The following CCDC7 variants were observed in gnomAD, a reference collection of about 807,000 sequenced individuals.
The protein encoded by CCDC7 is coiled-coil domain-containing protein 7.
A neutral mutation model predicts 196.9 loss-of-function variants in CCDC7; 183 were observed. That is an observed-to-expected ratio of 0.93 (90% confidence interval 0.82 to 1.05). The LOEUF (loss-of-function observed/expected upper bound fraction) is 1.05, where lower values mean the gene tolerates loss of function less well. Among genes scored for constraint, CCDC7 ranks in the 50% least tolerant of loss-of-function variants. The probability of loss-of-function intolerance (pLI) is 0.00; values close to 1 mark genes in which losing one functional copy is unlikely to be tolerated. For missense variants in CCDC7, 1,540 were observed against 1,482.2 expected (o/e 1.04, Z -0.64); for synonymous variants, 525 against 484.6 (o/e 1.08, Z -1.10).
chr10:32,814,911 G>C (rs528078571), intron 31 of CCDC7, among the ~76,000 whole-genome samples: 46 of 152,246 alleles, frequency 3.0e-4, no homozygotes, highest in African/African-American at 1.1e-3. Context: ...TTCAAAGAGT[G>C]CCCTGCTAAA....
chr10:32,599,852 C>T (rs2060812368), intron 18 of CCDC7, among the ~76,000 whole-genome samples: 1 of 152,136 alleles, frequency 6.6e-6, no homozygotes, highest in Non-Finnish European at 1.5e-5. Context: ...GATAGAGTTT[C>T]ATTCTTCTAC....
chr10:32,696,452 A>T (rs80307518), intron 24 of CCDC7, among the ~76,000 whole-genome samples: 3 of 151,766 alleles, frequency 2.0e-5, no homozygotes, highest in Admixed American at 6.6e-5. Context: ...GGACATAGGG[A>T]CATTGGCCAT....
At chr10:32,579,612 C>G (rs2058555460) in intron 16 of CCDC7, among the ~76,000 whole-genome samples, 1 of 151,992 alleles carries the variant, frequency 6.6e-6, no homozygotes, top group South Asian at 2.1e-4. Flanking sequence ...ATTACGATGA[C>G]CATGATTTAT....
intron 20 of CCDC7, among the ~76,000 whole-genome samples, chr10:32,636,787 C>A (rs1309096443): frequency 5.9e-5 from 9 of 152,166 alleles, no homozygotes; most frequent in Admixed American, 1.3e-4. Flanking sequence ...AGTTCCAGAT[C>A]CCTGAAGAAT....
chr10:32,450,872 A>G (rs918730481), upstream of CCDC7, among the ~76,000 whole-genome samples: 4 of 152,202 alleles, frequency 2.6e-5, no homozygotes, highest in African/African-American at 9.6e-5. Context: ...CAGTCCGTAT[A>G]TTCCCATTCT....
At chr10:32,447,585 T>G (rs2133246886), upstream of CCDC7, among the ~76,000 whole-genome samples, 1 of 152,260 alleles carries the variant, frequency 6.6e-6, no homozygotes, top group South Asian at 2.1e-4. Context: ...GAAAGCATCG[T>G]GTCACAATCG....
chr10:32,447,048 A>C (rs2031473832), upstream of CCDC7, among the ~76,000 whole-genome samples: 1 of 150,294 alleles, frequency 6.7e-6, no homozygotes, highest in Non-Finnish European at 1.5e-5. Flanking sequence ...TTTCCATCGA[A>C]CTTTCCTCTT....
intron 11 of CCDC7, among the ~76,000 whole-genome samples, chr10:32,534,338 C>T (rs1295736897): frequency 6.6e-6 from 1 of 152,036 alleles, no homozygotes; most frequent in Non-Finnish European, 1.5e-5. Flanking sequence ...CACTGAGTTT[C>T]CTTAAAACTG....
intron 18 of CCDC7, among the ~76,000 whole-genome samples, chr10:32,600,891 G>A (rs1564791712): frequency 6.6e-6 from 1 of 152,078 alleles, no homozygotes; most frequent in Non-Finnish European, 1.5e-5. Flanking sequence ...GATCTCTTTT[G>A]TATTAACTGT....
chr10:32,726,618 A>G (rs1360661026), intron 25 of CCDC7, 116 bp from the exon 27 acceptor site: 1 of 519,458 alleles, frequency 1.9e-6, no homozygotes, highest in Non-Finnish European at 3.4e-6. Flanking sequence ...TTTTATAAAA[A>G]TGAGAAAAAA....
chr10:32,792,141 C>G (rs2082802118), intron 29 of CCDC7, among the ~76,000 whole-genome samples: 1 of 151,916 alleles, frequency 6.6e-6, no homozygotes, highest in African/African-American at 2.4e-5. Context: ...AATCTTTTTA[C>G]AAACAAAACG....
rs1169264460 is a variant in CCDC7, at chr10:32,582,802, A to G, written c.1455-232A>G. ...GCTTACAACCTTGAATAATGATTAT[A>G]TTGGAGTATTTTAAATGATTTCCTT... On this transcript the variant is annotated intron_variant, in intron 16 of 41. Transcript: ENST00000639629. Among the ~76,000 whole-genome samples, 7 of 152,142 alleles carry G rather than the reference A, an allele frequency of 4.6e-5. No individual in the cohort carries two copies. In the East Asian group the frequency reaches 1.3e-3, roughly 29 times the overall value.
At chr10:32,802,908 A>T (rs2085091149) in intron 29 of CCDC7, among the ~76,000 whole-genome samples, 1 of 152,236 alleles carries the variant, frequency 6.6e-6, no homozygotes, top group Non-Finnish European at 1.5e-5. Context: ...GCAGCTGATT[A>T]GGTGGTGCCC....
chr10:32,775,891 A>G (rs868428813), intron 28 of CCDC7, among the ~76,000 whole-genome samples: 6 of 151,874 alleles, frequency 4.0e-5, no homozygotes, highest in Admixed American at 2.0e-4. Flanking sequence ...CAAATGTCCA[A>G]CAATGATAGA....
chr10:32,694,911 C>T (rs1316701829), exon 24 of CCDC7: 1 of 1,600,610 alleles, frequency 6.2e-7, no homozygotes, highest in Admixed American at 1.7e-5. Context: ...AAATCTTGTG[C>T]TTGAACATCA....
chr10:32,451,147 G>A (rs1592728240), upstream of CCDC7, among the ~76,000 whole-genome samples: 1 of 152,142 alleles, frequency 6.6e-6, no homozygotes, highest in Non-Finnish European at 1.5e-5. Flanking sequence ...CTTATGGAGA[G>A]CAAAGGGTAT....
At chr10:32,685,750 G>T (rs146804372) in intron 21 of CCDC7, among the ~76,000 whole-genome samples, 6,297 of 152,172 alleles carry the variant, frequency 0.041, 132 homozygotes, top group Middle Eastern at 0.065. Context: ...AACTATATAT[G>T]ATTCCTAGAA....
chr10:32,810,644 A>G (rs2086879569), intron 30 of CCDC7, among the ~76,000 whole-genome samples: 1 of 152,158 alleles, frequency 6.6e-6, no homozygotes, highest in African/African-American at 2.4e-5. Flanking sequence ...ATTGAGTTTA[A>G]ACATCAGTTT....
intron 28 of CCDC7, among the ~76,000 whole-genome samples, chr10:32,768,771 T>C (rs1269210356): frequency 6.6e-6 from 1 of 152,164 alleles, no homozygotes; most frequent in East Asian, 1.9e-4. Context: ...ATGTCGAGAT[T>C]ATCAAAAGTG....
Sources: gnomAD v4.1 joint callset for allele counts (sites outside exome capture counted in the v4.1 genomes callset) on GRCh38, gnomAD v4.1.1 for gene constraint, MANE v1.5 for transcripts, NCBI Gene and HGNC (gene_info 2026-07-23, HGNC 2026-07-21) for gene names.